FKBP4: variants seen among roughly 807,000 people sequenced by gnomAD.
The protein encoded by FKBP4 is peptidyl-prolyl cis-trans isomerase FKBP4.
A neutral mutation model predicts 54.1 loss-of-function variants in FKBP4; 28 were observed. The ratio of observed to expected loss-of-function variants is 0.52; its 90% confidence interval spans 0.38 to 0.71. The LOEUF is 0.71. Among genes scored for constraint, FKBP4 ranks in the 30% least tolerant of loss-of-function variants. The probability of loss-of-function intolerance (pLI) is 0.00; values close to 1 mark genes in which losing one functional copy is unlikely to be tolerated. For missense variants in FKBP4, 493 were observed against 574.4 expected, an observed-to-expected ratio of 0.86 and a Z score of 1.45; for synonymous variants, 223 against 216.1, an observed-to-expected ratio of 1.03 and a Z score of -0.28.
intron 1 of FKBP4, chr12:2,796,539 T>C: frequency 8.4e-7 from 1 of 1,192,048 alleles, no homozygotes; most frequent in Non-Finnish European, 1.1e-6. Context: ...CTGGACTAAC[T>C]ACCAGAGGAA....
chr12:2,801,733 G>T, intron 9 of FKBP4: 1 of 362,156 alleles, frequency 2.8e-6, no homozygotes. Context: ...CAGCCTGAGT[G>T]ACAAAATGAA....
intron 9 of FKBP4, among the ~76,000 whole-genome samples, chr12:2,802,151 T>C (rs1187482052): frequency 1.3e-5 from 2 of 152,210 alleles, no homozygotes; most frequent in Non-Finnish European, 2.9e-5. Flanking sequence ...TTTTTTCTTT[T>C]TCTGAGACAG....
intron 9 of FKBP4, among the ~76,000 whole-genome samples, chr12:2,802,760 C>T (rs1041205503): frequency 1.3e-5 from 2 of 151,790 alleles, no homozygotes; most frequent in Non-Finnish European, 2.9e-5. Context: ...GTGTCTCTTG[C>T]CCTGCCGCCC....
At chr12:2,799,744 C>T in intron 5 of FKBP4, 106 bp from the exon 6 acceptor site, 1 of 947,728 alleles carries the variant, frequency 1.1e-6, no homozygotes, top group Non-Finnish European at 1.7e-6. Context: ...TGAACCAAGT[C>T]TCAAGGGATG....
chr12:2,798,751 G>A lies in FKBP4; in HGVS notation c.439G>A (p.Asp147Asn). ...GGGAGAAGATCTGACGGAAGAGGAA[G>A]ATGGCGGAATCATTCGCAGAATACA... Reference protein sequence around the residue: ...FKGEDLTEEEDGGIIRRIQTR... With the variant: ...FKGEDLTEEENGGIIRRIQTR... Residue 147 changes from aspartate (D) to asparagine (N), a missense_variant, in exon 4 of 10, where the codon GAT (aspartate) becomes AAT (asparagine). Coordinates refer to ENST00000001008, the MANE Select transcript of FKBP4 (RefSeq NM_002014.4). The surrounding 1 kb of genome is among the most constrained non-coding windows in gnomAD (Gnocchi z 4.3). 1 of 1,614,180 alleles carries A rather than the reference G, an allele frequency of 6.2e-7. No homozygotes were observed. Among genetic ancestry groups the A allele is most frequent in the South Asian group, 1.1e-5 (1 of 91,084 alleles).
intron 9 of FKBP4, chr12:2,801,768 G>A (rs898313498): frequency 2.9e-5 from 10 of 350,132 alleles, no homozygotes; most frequent in African/African-American, 6.4e-5. Context: ...AAAGAAAAGC[G>A]AGATGCTTTT....
Position 2,798,984 on chromosome 12 carries a change from G to A in FKBP4, c.515-104G>A. The A allele has an allele frequency of 7.0e-7, 1 of 1,423,926 alleles. No homozygotes were observed. 88.2% of individuals were successfully genotyped at this position (1,423,926 alleles called of 1,614,324 possible). A position where few individuals can be genotyped will look rare whatever the true frequency, so the allele number is the denominator to read the frequency against. ...ATATCACTCCAGATTTGAGAACACA[G>A]GAGAATCTTGGGATGATGGGGGTGA... On this transcript the variant is annotated intron_variant, in intron 4 of 9. Transcript: ENST00000001008. The surrounding 1 kb of genome is among the most constrained non-coding windows in gnomAD (Gnocchi z 4.3).
In FKBP4 at chr12:2,800,062, T is replaced by G. The variant is rs1252063010; in HGVS notation, c.786T>G (p.Asn262Lys). Residue 262 changes from asparagine (N) to lysine (K), a missense_variant, in exon 7 of 10, where the codon AAT (asparagine) becomes AAG (lysine). Physicochemically the swap from Asn to Lys is moderately conservative, Grantham distance 94 (BLOSUM62 0). Transcript: ENST00000001008. The stretch of plus-strand genomic sequence containing the variant: ...AGGCCAAGGAGTCTTGGGAGATGAA[T>G]TCAGAAGAGAAGCTGGAACAGAGCA... ...FEKAKESWEM[N>K]SEEKLEQSTI... 1 of 1,614,004 alleles carries G rather than the reference T, an allele frequency of 6.2e-7. No individual in the cohort carries two copies. The highest frequency in any genetic ancestry group is 1.3e-5 in the African/African-American group (1 of 74,916).
chr12:2,801,634 A>G (rs558039493), intron 9 of FKBP4: 5 of 531,386 alleles, frequency 9.4e-6, no homozygotes, highest in South Asian at 4.6e-5. Flanking sequence ...CACACCTGCA[A>G]TCCCAGCACT....
intron 7 of FKBP4, 32 bp from the exon 8 acceptor site, chr12:2,800,360 T>G (rs1459824362): frequency 6.3e-7 from 1 of 1,587,130 alleles, no homozygotes; most frequent in Non-Finnish European, 8.6e-7. Context: ...ACTGAAACTG[T>G]GCCAGGTGCC....
intron 4 of FKBP4, 73 bp from the exon 5 acceptor site, chr12:2,799,015 G>A (rs766636761): frequency 2.0e-5 from 30 of 1,484,172 alleles, no homozygotes; most frequent in Admixed American, 4.3e-5. Context: ...GGTGATGCAG[G>A]GAGGCTGATG....
At position 2,799,180 on chromosome 12, in the gene FKBP4, G is replaced by A. The variant is rs1435431591; in HGVS notation, c.607G>A (p.Gly203Ser). Residue 203 changes from glycine (G) to serine (S), a missense_variant, in exon 5 of 10, where the codon GGT becomes AGT. Gly to Ser is a moderately conservative substitution (Grantham distance 56, BLOSUM62 0). Coordinates refer to ENST00000001008, the MANE Select transcript of FKBP4 (RefSeq NM_002014.4). ...GGGGGAGAACCTGGATCTGCCTTAT[G>A]GTCTGGAGAGGGCCATTCAGCGCAT... ...GEGENLDLPY[G>S]LERAIQRMEK... 6 of 1,593,362 alleles carry A rather than the reference G, an allele frequency of 3.8e-6. No homozygotes were observed. Among genetic ancestry groups the A allele is most frequent in the Non-Finnish European group, 5.1e-6 (6 of 1,171,792 alleles).
chr12:2,795,871 C>T lies in FKBP4; in HGVS notation c.105+627C>T. On this transcript the variant is annotated intron_variant, in intron 1 of 9. Transcript: ENST00000001008. This position sits in a 1 kb window ranked among gnomAD's most constrained non-coding sequence, Gnocchi z 4.3. ...AGCGAGGTCCCCACTCGCCGCGCGGCGCCCCCTCCCTCGGCCCCGGGGAGG... is the reference window on the plus strand; with the variant it reads ...AGCGAGGTCCCCACTCGCCGCGCGGTGCCCCCTCCCTCGGCCCCGGGGAGG... The T allele has an allele frequency of 2.4e-6, 2 of 834,710 alleles. No individual in the cohort carries two copies. The highest frequency in any genetic ancestry group is 2.9e-6 in the Non-Finnish European group (2 of 690,742). 51.7% of individuals were successfully genotyped at this position (834,710 alleles called of 1,614,324 possible).
Position 2,798,011 on chromosome 12 carries a change from A to G in FKBP4, c.393+140A>G. The G allele has an allele frequency of 9.5e-7, 1 of 1,047,802 alleles. No homozygotes were observed. 64.9% of individuals were successfully genotyped at this position (1,047,802 alleles called of 1,614,324 possible). A position where few individuals can be genotyped will look rare whatever the true frequency, so the allele number is the denominator to read the frequency against. ...TCTGGCCTTATGGGAGGAGAAATGCAGAGGGCTCTGCTGCTGCTAGTAATG... is the reference window on the plus strand; with the variant it reads ...TCTGGCCTTATGGGAGGAGAAATGCGGAGGGCTCTGCTGCTGCTAGTAATG... On this transcript the variant is annotated intron_variant, in intron 3 of 9. Coordinates refer to ENST00000001008, the MANE Select transcript of FKBP4 (RefSeq NM_002014.4). This position sits in a 1 kb window ranked among gnomAD's most constrained non-coding sequence, Gnocchi z 4.3.
At chr12:2,799,758 AG>A in intron 5 of FKBP4, 91 bp from the exon 6 acceptor site, 1 of 1,064,866 alleles carries the variant, frequency 9.4e-7, no homozygotes, top group Middle Eastern at 3.0e-4. Flanking sequence ...AGGGATGGGA[AG>A]GTACTTTCCA....
In FKBP4 at chr12:2,801,129, G is replaced by A; in HGVS notation, c.1045G>A (p.Asp349Asn). The change falls in exon 9 of 10, where the codon GAC (aspartate) becomes AAC (asparagine). Residue 349 changes from aspartate (D) to asparagine (N), a missense_variant. Asp to Asn is a conservative substitution (Grantham distance 23). Transcript: ENST00000001008. ...CTGCATTCTTTAGGCCCTAGAACTG[G>A]ACAGCAACAACGAGAAGGGCCTCTT... ...IESCNKALELDSNNEKGLFRR... is the reference protein window; with the variant it reads ...IESCNKALELNSNNEKGLFRR... The A allele has an allele frequency of 6.2e-7, 1 of 1,613,950 alleles. No individual in the cohort carries two copies.
At chr12:2,796,854 T>C (rs2097902137) in intron 1 of FKBP4, 6 of 1,217,180 alleles carry the variant, frequency 4.9e-6, no homozygotes, top group Non-Finnish European at 6.2e-6. Context: ...ACAAATAAAG[T>C]GTGGAGAATT....
At chr12:2,797,668 A>T (rs2097902654) in intron 2 of FKBP4, 61 bp from the exon 3 acceptor site, 1 of 1,550,470 alleles carries the variant, frequency 6.4e-7, no homozygotes, top group East Asian at 2.3e-5. Flanking sequence ...CTTCAGGAGC[A>T]CTGTTTGAGC....
intron 9 of FKBP4, chr12:2,801,774 CT>C (rs1353631577): frequency 2.9e-6 from 1 of 348,250 alleles, no homozygotes; most frequent in Non-Finnish European, 5.8e-6. Context: ...AAGCGAGATG[CT>C]TTTTGTGTGT....
Sources: gnomAD v4.1 joint callset for allele counts (sites outside exome capture counted in the v4.1 genomes callset) on GRCh38, gnomAD v4.1.1 for gene constraint, Gnocchi (gnomAD v3.1) non-coding constraint, MANE v1.5 for transcripts, NCBI Gene and HGNC (gene_info 2026-07-23, HGNC 2026-07-21) for gene names.